COL11A1: variants seen among roughly 807,000 people sequenced by gnomAD.
COL11A1 encodes collagen type XI alpha 1 chain, also known as collagen alpha-1(XI) chain.
A neutral mutation model predicts 265.2 loss-of-function variants in COL11A1; 74 were observed. The observed-to-expected ratio is 0.28, with a 90% CI of 0.23 to 0.34. COL11A1 has a LOEUF of 0.34. Among genes scored for constraint, COL11A1 ranks in the 10% least tolerant of loss-of-function variants. The probability of loss-of-function intolerance (pLI) is 1.00; values close to 1 mark genes in which losing one functional copy is unlikely to be tolerated. For synonymous variants in COL11A1, 816 were observed against 727.6 expected (o/e 1.12, Z -1.96); for missense variants, 2,165 against 2,263.6 (o/e 0.96, Z 0.88).
At chr1:102,979,024 T>C (rs764303691) in intron 33 of COL11A1, 36 bp downstream of exon 33, 1 of 1,613,214 alleles carries the variant, frequency 6.2e-7, no homozygotes, top group Admixed American at 1.7e-5. Flanking sequence ...AAATTCAATA[T>C]GAAAAATGTA....
At chr1:102,988,934 G>T (rs1338207743) in intron 29 of COL11A1, among the ~76,000 whole-genome samples, 1 of 152,088 alleles carries the variant, frequency 6.6e-6, no homozygotes, top group South Asian at 2.1e-4. Context: ...TCTATAGAAT[G>T]CTTCTTTATT....
At chr1:102,999,582 A>G (rs1452261807) in intron 24 of COL11A1, among the ~76,000 whole-genome samples, 2 of 151,854 alleles carry the variant, frequency 1.3e-5, no homozygotes, top group Non-Finnish European at 2.9e-5. Context: ...CAAAAATGTC[A>G]GAAAAATATA....
At chr1:102,925,639 G>A (rs1656510675) in intron 46 of COL11A1, among the ~76,000 whole-genome samples, 1 of 151,990 alleles carries the variant, frequency 6.6e-6, no homozygotes. Flanking sequence ...AAGACAGGTA[G>A]TATTTCTCAG....
intron 1 of COL11A1, among the ~76,000 whole-genome samples, chr1:103,087,682 TC>T (rs1458422608): frequency 6.6e-6 from 1 of 152,176 alleles, no homozygotes; most frequent in Non-Finnish European, 1.5e-5. Context: ...AACACTTAGC[TC>T]CACCTCACCT....
At chr1:102,905,098 T>G (rs1189548590) in intron 54 of COL11A1, among the ~76,000 whole-genome samples, 3 of 150,956 alleles carry the variant, frequency 2.0e-5, no homozygotes, top group Non-Finnish European at 4.4e-5. Context: ...CTGGAAACCA[T>G]CATTCTCAGC....
chr1:102,901,803 C>T (rs971924089), intron 54 of COL11A1, among the ~76,000 whole-genome samples: 1 of 152,134 alleles, frequency 6.6e-6, no homozygotes, highest in African/African-American at 2.4e-5. Flanking sequence ...TCAAGTTTTA[C>T]AGTATGATTC....
chr1:102,914,350 A>C lies in COL11A1; in HGVS notation c.3978+2T>G, dbSNP rs1570712875. ...ATTTCTTGATTTTTCCCTGATACTT[A>C]CTGCAGGGCCAGGTTCCCCAGGAGG... On this transcript the variant is annotated splice_donor_variant, in intron 52 of 66. Coordinates refer to ENST00000370096, the MANE Select transcript of COL11A1 (RefSeq NM_001854.4). LOFTEE classifies it high-confidence loss of function. 6.2e-7 allele frequency: 1 copy of C among 1,603,040 alleles called. No homozygotes were observed.
chr1:103,106,411 C>G (rs768877376), intron 1 of COL11A1, among the ~76,000 whole-genome samples: 1 of 152,064 alleles, frequency 6.6e-6, no homozygotes, highest in Non-Finnish European at 1.5e-5. Flanking sequence ...TTTCCTTAAT[C>G]AAAGGTCCTT....
Position 102,914,685 on chromosome 1 carries a change from G to A in COL11A1, c.3924+19C>T, listed in dbSNP as rs77901108. ...AGTTTGGCATAAATGCCACATTAGA[G>A]GGGACCAAACTCACTTACCGGGTTA... On this transcript the variant is annotated intron_variant, in intron 51 of 66. Coordinates refer to ENST00000370096, the MANE Select transcript of COL11A1 (RefSeq NM_001854.4). The A allele has an allele frequency of 2.6e-3, 4,092 of 1,585,818 alleles. 98 individuals are homozygous for A. The African/African-American group carries it at 0.049, about 19-fold the overall frequency.
At chr1:102,954,498 A>C (rs762432633) in intron 41 of COL11A1, among the ~76,000 whole-genome samples, 3 of 152,192 alleles carry the variant, frequency 2.0e-5, no homozygotes, top group Non-Finnish European at 4.4e-5. Context: ...AGTGCTTACA[A>C]ACCAGAGCTA....
intron 4 of COL11A1, among the ~76,000 whole-genome samples, chr1:103,073,570 A>G (rs985900814): frequency 6.6e-6 from 1 of 151,850 alleles, no homozygotes; most frequent in Non-Finnish European, 1.5e-5. Flanking sequence ...AAAATATTTT[A>G]TGTAGAATTA....
intron 36 of COL11A1, among the ~76,000 whole-genome samples, chr1:102,970,530 C>T (rs1391478459): frequency 6.6e-6 from 1 of 152,098 alleles, no homozygotes; most frequent in Non-Finnish European, 1.5e-5. Flanking sequence ...TTGCATCAAT[C>T]ATTTGTAAAA....
chr1:102,905,368 T>TATA (rs746949718), intron 54 of COL11A1, among the ~76,000 whole-genome samples: 1 of 140,780 alleles, frequency 7.1e-6, no homozygotes, highest in African/African-American at 2.7e-5. Flanking sequence ...AAACTTAAAG[T>TATA]ATAATAATAA....
intron 28 of COL11A1, among the ~76,000 whole-genome samples, chr1:102,991,717 A>G (rs1664157503): frequency 6.6e-6 from 1 of 152,148 alleles, no homozygotes; most frequent in Non-Finnish European, 1.5e-5. Flanking sequence ...GAGTTTAGCA[A>G]GGTATATTAA....
At chr1:102,940,050 C>T (rs767880446) in intron 43 of COL11A1, among the ~76,000 whole-genome samples, 5 of 152,152 alleles carry the variant, frequency 3.3e-5, no homozygotes, top group Non-Finnish European at 7.4e-5. Flanking sequence ...GAAGGATATT[C>T]TTAAAAATAA....
chr1:102,895,589 A>G (rs1207588508), intron 57 of COL11A1, among the ~76,000 whole-genome samples: 2 of 152,022 alleles, frequency 1.3e-5, no homozygotes, highest in South Asian at 4.1e-4. Flanking sequence ...CATCATGGAG[A>G]AAGTATTATT....
chr1:103,047,976 T>C (rs1405142951), intron 4 of COL11A1, among the ~76,000 whole-genome samples: 1 of 152,204 alleles, frequency 6.6e-6, no homozygotes, highest in South Asian at 2.1e-4. Flanking sequence ...GTGGATAAGC[T>C]TTTTTATGTG....
chr1:103,001,809 T>C, intron 24 of COL11A1, 116 bp downstream of exon 24: 4 of 870,312 alleles, frequency 4.6e-6, no homozygotes, highest in Non-Finnish European at 7.8e-6. Context: ...ATTAATTCCT[T>C]ATGTGCTGAG....
At chr1:103,030,384 C>T (rs752751765) in intron 5 of COL11A1, among the ~76,000 whole-genome samples, 3 of 151,930 alleles carry the variant, frequency 2.0e-5, no homozygotes, top group Non-Finnish European at 4.4e-5. Flanking sequence ...GCAGAACTAA[C>T]AATTAAGATA....
Sources: gnomAD v4.1 joint callset for allele counts (sites outside exome capture counted in the v4.1 genomes callset) on GRCh38, gnomAD v4.1.1 for gene constraint, MANE v1.5 for transcripts, NCBI Gene and HGNC (gene_info 2026-07-23, HGNC 2026-07-21) for gene names.